The following MPDZ variants were observed in gnomAD, a reference collection of about 807,000 sequenced individuals.
MPDZ encodes the protein multiple PDZ domain crumbs cell polarity complex component.
MPDZ carries 234 observed loss-of-function variants against 239.1 expected under a neutral mutation model. The ratio of observed to expected loss-of-function variants is 0.98; its 90% CI spans 0.88 to 1.09. MPDZ has a LOEUF of 1.09. Ranked by LOEUF, MPDZ falls within the 50% of genes least tolerant of loss-of-function variation. MPDZ has a pLI of 0.00. For synonymous variants in MPDZ, 1,048 were observed against 881.3 expected (o/e 1.19, Z -3.35); for missense variants, 3,175 against 2,510.0 (o/e 1.26, Z -5.66).
rs771024357 is a variant in MPDZ at position 13,176,349 on chromosome 9, C to T, written c.2718G>A (p.Gln906=). ...LHMSLEELYT[Q]NLLQRQDENT... ...TCTCATCCTGTCTTTGCAGGAGATT[C>T]TGGGTATATAGTTCCTCCAGAGACA... Residue 906 remains glutamine, a synonymous_variant, in exon 20 of 47, where the codon CAG becomes CAA. Coordinates refer to ENST00000319217, the MANE Select transcript of MPDZ (RefSeq NM_001378778.1). 3.1e-6 allele frequency: 5 copies of T among 1,607,442 alleles called. No individual in the cohort carries two copies. The South Asian group carries it at 5.6e-5, about 18-fold the overall frequency.
intron 11 of MPDZ, 58 bp downstream of exon 11, chr9:13,205,858 A>T (rs943645646): frequency 1.8e-4 from 245 of 1,374,552 alleles, no homozygotes; most frequent in Non-Finnish European, 3.1e-5. Flanking sequence ...TTTGGAATTT[A>T]AAAAAAATTG....
chr9:13,232,304 T>C (rs1962720564), intron 3 of MPDZ, among the ~76,000 whole-genome samples: 1 of 152,118 alleles, frequency 6.6e-6, no homozygotes, highest in Admixed American at 6.5e-5. Context: ...TAAAATGTTT[T>C]CTAAAAATCT....
intron 12 of MPDZ, among the ~76,000 whole-genome samples, chr9:13,200,754 T>C (rs925545502): frequency 6.6e-6 from 1 of 152,136 alleles, no homozygotes; most frequent in African/African-American, 2.4e-5. Flanking sequence ...TCTAGTTTTA[T>C]TCCATTATGG....
chr9:13,134,626 T>C (rs1946475335), intron 31 of MPDZ: 1 of 152,196 alleles, frequency 6.6e-6, no homozygotes, highest in Non-Finnish European at 1.5e-5. Context: ...CTTTTATTCA[T>C]CATACACATG....
chr9:13,136,214 C>T, intron 30 of MPDZ, 32 bp from the exon 31 acceptor site: 3 of 1,420,622 alleles, frequency 2.1e-6, no homozygotes, highest in South Asian at 1.2e-5. Flanking sequence ...CCTATTATAA[C>T]ATCATGGTAT....
Position 13,217,171 on chromosome 9 carries a change from T to A in MPDZ, c.1201+9A>T. On this transcript the variant is annotated intron_variant, in intron 9 of 46. Transcript: ENST00000319217. ...CAAGTTTAAAAGAATACTTAATGTT[T>A]AAAATTACCCAATTTTTTATCTCCA... The A allele has an allele frequency of 6.5e-7, 1 of 1,528,066 alleles. No individual in the cohort carries two copies. The highest frequency in any genetic ancestry group is 8.9e-7 in the Non-Finnish European group (1 of 1,118,552). 94.7% of individuals were successfully genotyped at this position (1,528,066 alleles called of 1,614,324 possible). A position where few individuals can be genotyped will look rare whatever the true frequency, so the allele number is the denominator to read the frequency against.
At chr9:13,161,506 G>C (rs755934160) in intron 23 of MPDZ, among the ~76,000 whole-genome samples, 2 of 152,052 alleles carry the variant, frequency 1.3e-5, no homozygotes, top group Non-Finnish European at 2.9e-5. Context: ...GGGAGGCAGA[G>C]GTCTCAGTAA....
chr9:13,241,932 C>CA (rs1965506450), intron 3 of MPDZ, among the ~76,000 whole-genome samples: 1 of 152,072 alleles, frequency 6.6e-6, no homozygotes, highest in Non-Finnish European at 1.5e-5. Context: ...AGCTGAACCT[C>CA]TGAAGTACAC....
intron 10 of MPDZ, among the ~76,000 whole-genome samples, chr9:13,215,012 T>C (rs1958116414): frequency 6.6e-6 from 1 of 152,018 alleles, no homozygotes; most frequent in Non-Finnish European, 1.5e-5. Context: ...CTTACCCATT[T>C]TGAATAGTAC....
At chr9:13,277,357 T>C (rs1974461669) in intron 1 of MPDZ, among the ~76,000 whole-genome samples, 1 of 152,192 alleles carries the variant, frequency 6.6e-6, no homozygotes, top group Admixed American at 6.5e-5. Context: ...TACACCATAA[T>C]CTATTAGTAA....
At chr9:13,160,172 G>T (rs1367042228) in intron 23 of MPDZ, among the ~76,000 whole-genome samples, 6 of 152,118 alleles carry the variant, frequency 3.9e-5, no homozygotes, top group African/African-American at 1.4e-4. Context: ...TATGGCACAT[G>T]CTTCGTAGAC....
Position 13,151,620 on chromosome 9 carries a change from G to T in MPDZ, c.3453-932C>A, listed in dbSNP as rs61502504. On this transcript the variant is annotated intron_variant, in intron 24 of 46. Transcript: ENST00000319217. ...CATAGAGACAGAAAGTAGAATGGTG[G>T]TTGCCTGGGATGGGAAGAGACAAGA... Among the ~76,000 whole-genome samples, 683 of 152,174 alleles carry T rather than the reference G, an allele frequency of 4.5e-3. 7 individuals carry two copies. Among genetic ancestry groups the T allele is most frequent in the African/African-American group, 0.015 (603 of 41,532 alleles).
At chr9:13,208,167 G>A (rs931762396) in intron 10 of MPDZ, among the ~76,000 whole-genome samples, 4 of 152,190 alleles carry the variant, frequency 2.6e-5, no homozygotes, top group African/African-American at 9.7e-5. Flanking sequence ...TCAAGGCTGG[G>A]CGCAGTGGCT....
At position 13,175,793 on chromosome 9, in the gene MPDZ, A is replaced by G; in HGVS notation, c.3014T>C (p.Phe1005Ser). 1 of 1,575,954 alleles carries G rather than the reference A, an allele frequency of 6.3e-7. No homozygotes were observed. The highest frequency in any genetic ancestry group is 8.6e-7 in the Non-Finnish European group (1 of 1,159,430). ...VMLQNVSKES[F>S]ERTINIAKGN... ...TTTTGCTATATTAATAGTCCTTTCA[A>G]AAGATTCTTTAGATACATTTTGAAG... The change falls in exon 21 of 47, where the codon TTT (phenylalanine) becomes TCT (serine). Residue 1005 changes from phenylalanine (F) to serine (S), a missense_variant. Phe to Ser is a radical substitution (Grantham distance 155). Transcript: ENST00000319217.
At chr9:13,238,554 C>CCACCCA (rs2137183859) in intron 3 of MPDZ, among the ~76,000 whole-genome samples, 1 of 152,236 alleles carries the variant, frequency 6.6e-6, no homozygotes, top group East Asian at 1.9e-4. Flanking sequence ...ATTCCTCAAC[C>CCACCCA]CACCCACATG....
chr9:13,122,009 A>C, intron 37 of MPDZ, 77 bp from the exon 38 acceptor site: 1 of 1,598,966 alleles, frequency 6.3e-7, no homozygotes, highest in East Asian at 2.2e-5. Flanking sequence ...AAGAGAGAGA[A>C]AGAAGCAAAG....
intron 24 of MPDZ, among the ~76,000 whole-genome samples, chr9:13,152,998 C>T (rs1949385829): frequency 6.6e-6 from 1 of 152,018 alleles, no homozygotes; most frequent in Admixed American, 6.6e-5. Flanking sequence ...GATGATGAGA[C>T]CCTGCAATCT....
chr9:13,115,686 CTG>C (rs955630965), intron 39 of MPDZ, among the ~76,000 whole-genome samples: 3 of 152,152 alleles, frequency 2.0e-5, no homozygotes, highest in Non-Finnish European at 4.4e-5. Flanking sequence ...AACAAAGCGA[CTG>C]TAATCCCACC....
chr9:13,278,701 C>A (rs1336176319), intron 1 of MPDZ, among the ~76,000 whole-genome samples: 2 of 152,130 alleles, frequency 1.3e-5, no homozygotes, highest in African/African-American at 2.4e-5. Flanking sequence ...CTCCCACCAA[C>A]GGGAGCGGCG....
Sources: allele counts gnomAD v4.1 joint callset (sites outside exome capture counted in the v4.1 genomes callset), GRCh38; gene constraint gnomAD v4.1.1; transcripts MANE v1.5; gene names NCBI Gene and HGNC (gene_info 2026-07-23, HGNC 2026-07-21).